LRP2: variants seen among roughly 807,000 people sequenced by gnomAD.
LRP2 encodes LDL receptor related protein 2, also known as low-density lipoprotein receptor-related protein 2.
Under a neutral mutation model 531.0 loss-of-function variants are expected in LRP2, and 172 were observed. The observed-to-expected ratio is 0.32, with a 90% CI of 0.29 to 0.37. LRP2 has a LOEUF of 0.37. Among genes scored for constraint, LRP2 ranks in the 10% least tolerant of loss-of-function variants. The pLI, the probability that LRP2 is intolerant of heterozygous loss-of-function variation, is 1.00. For synonymous variants in LRP2, 1,992 were observed against 2,027.6 expected (o/e 0.98, Z 0.47); for missense variants, 5,167 against 5,868.3 (o/e 0.88, Z 3.90).
chr2:169,183,344 T>C (rs543844952), intron 50 of LRP2, among the ~76,000 whole-genome samples: 1 of 152,306 alleles, frequency 6.6e-6, no homozygotes, highest in African/African-American at 2.4e-5. Context: ...GGTAAATGAG[T>C]AAATCCTGAT....
At chr2:169,189,860 A>C (rs896236064) in intron 48 of LRP2, among the ~76,000 whole-genome samples, 1 of 152,166 alleles carries the variant, frequency 6.6e-6, no homozygotes, top group African/African-American at 2.4e-5. Flanking sequence ...CTCAAGGAAA[A>C]AAAGAAAGAG....
At chr2:169,174,301 T>C in intron 55 of LRP2, 137 bp from the exon 56 acceptor site, 1 of 1,000,630 alleles carries the variant, frequency 1.0e-6, no homozygotes, top group South Asian at 1.4e-5. Context: ...TATCAGTCAG[T>C]ACTACTACAT....
chr2:169,200,206 G>A (rs376954496), intron 44 of LRP2, among the ~76,000 whole-genome samples: 16 of 152,258 alleles, frequency 1.1e-4, no homozygotes, highest in Admixed American at 5.9e-4. Context: ...AGCTGAGATC[G>A]CGTCACTGCA....
chr2:169,281,672 G>C (rs1216184633), intron 10 of LRP2, among the ~76,000 whole-genome samples: 1 of 147,416 alleles, frequency 6.8e-6, no homozygotes, highest in Non-Finnish European at 1.5e-5. Context: ...GAGCCAAGAT[G>C]GCGCCACTGC....
chr2:169,163,937 T>C (rs933250061), intron 62 of LRP2, among the ~76,000 whole-genome samples: 9 of 152,152 alleles, frequency 5.9e-5, no homozygotes, highest in African/African-American at 2.2e-4. Context: ...AGCTAATCAA[T>C]AAATACCCTC....
intron 15 of LRP2, 116 bp from the exon 16 acceptor site, chr2:169,271,223 A>G: frequency 1.5e-6 from 1 of 684,860 alleles, no homozygotes; most frequent in Non-Finnish European, 2.5e-6. Context: ...TAATTCTGAA[A>G]TAAATGTAAA....
In LRP2 at chr2:169,156,503, C is replaced by T. The variant is rs188907654; in HGVS notation, c.12020-98G>A. The T allele has an allele frequency of 5.2e-5, 69 of 1,336,272 alleles. No individual in the cohort carries two copies. In the African/African-American group the frequency reaches 7.5e-4, roughly 14 times the overall value. 82.8% of individuals were successfully genotyped at this position (1,336,272 alleles called of 1,614,324 possible). ...ACCCATATTCACCAGCAATGAGGAC[C>T]GAGAAGGGTACAGATGAAAATAAGC... On this transcript the variant is annotated intron_variant, in intron 64 of 78. Coordinates refer to ENST00000649046, the MANE Select transcript of LRP2 (RefSeq NM_004525.3).
At position 169,162,566 on chromosome 2, in the gene LRP2, A is replaced by G; in HGVS notation, c.11793T>C (p.Tyr3931=). The change falls in exon 63 of 79, where the codon TAT becomes TAC. Residue 3931 remains tyrosine (Y), a synonymous_variant. Transcript: ENST00000649046. ...RKPTPKPCTE[Y]EYKCGNGHCI... ...AATGCCCATTGCCACACTTATATTC[A>G]TATTCTGTACAAGGTTTAGGGGTCG... 6.2e-7 allele frequency: 1 copy of G among 1,614,188 alleles called. No homozygotes were observed. Among genetic ancestry groups the G allele is most frequent in the Non-Finnish European group, 8.5e-7 (1 of 1,180,008 alleles).
chr2:169,261,670 G>A (rs980060458), intron 16 of LRP2, among the ~76,000 whole-genome samples: 1 of 152,128 alleles, frequency 6.6e-6, no homozygotes, highest in Non-Finnish European at 1.5e-5. Flanking sequence ...GAGGTACAAG[G>A]AGGAACTGGT....
intron 15 of LRP2, 84 bp from the exon 16 acceptor site, chr2:169,271,191 G>T: frequency 1.2e-6 from 1 of 824,296 alleles, no homozygotes; most frequent in Non-Finnish European, 2.0e-6. Flanking sequence ...CATCCACAGA[G>T]CAAACTTTAA....
At chr2:169,328,069 TCAGCCCCCCGCC>T (rs1685156238) in intron 1 of LRP2, among the ~76,000 whole-genome samples, 1 of 90,912 alleles carries the variant, frequency 1.1e-5, no homozygotes, top group Non-Finnish European at 2.2e-5. Flanking sequence ...GGAGGTGGGG[TCAGCCCCCCGCC>T]CAGCCAGCCG....
At chr2:169,231,941 C>G in intron 30 of LRP2, 99 bp from the exon 31 acceptor site, 7 of 1,444,206 alleles carry the variant, frequency 4.8e-6, no homozygotes, top group Non-Finnish European at 6.7e-6. Flanking sequence ...GGCCCCAGTA[C>G]AGGGGGGCTT....
intron 4 of LRP2, among the ~76,000 whole-genome samples, chr2:169,299,119 GAA>G (rs1261917144): frequency 0.016 from 1,357 of 85,530 alleles, 101 homozygotes; most frequent in Middle Eastern, 0.033. Flanking sequence ...AAGAAAGAAA[GAA>G]AGAAAGAAAG....
rs779173467 is a variant in LRP2, at chr2:169,162,626, CA to C, written c.11759-27del. 3.1e-6 allele frequency: 5 copies of C among 1,613,324 alleles called. No homozygotes were observed. In the East Asian group the frequency reaches 8.9e-5, roughly 29 times the overall value. ...CTGCAATGTAAAAACAAGTTAAAAT[CA>C]AAACTTTTTCTTTTATGAAGCAAGA... is the stretch of plus-strand genomic sequence containing the variant. On this transcript the variant is annotated intron_variant, in intron 62 of 78. Transcript: ENST00000649046.
At chr2:169,327,491 G>T (rs1374032122) in intron 1 of LRP2, among the ~76,000 whole-genome samples, 3 of 118,884 alleles carry the variant, frequency 2.5e-5, no homozygotes, top group Admixed American at 1.6e-4. Flanking sequence ...GAGGTGGGGG[G>T]GTCAGCCCCC....
intron 37 of LRP2, among the ~76,000 whole-genome samples, chr2:169,211,064 G>A (rs1001105833): frequency 2.6e-5 from 4 of 152,280 alleles, no homozygotes; most frequent in East Asian, 1.9e-4. Flanking sequence ...ATCTGTACAA[G>A]ATGATAACTT....
intron 4 of LRP2, among the ~76,000 whole-genome samples, chr2:169,301,989 G>A (rs922268439): frequency 3.3e-5 from 5 of 151,972 alleles, no homozygotes; most frequent in African/African-American, 1.2e-4. Context: ...ATTTTTAGGT[G>A]GTTTCCAGGT....
chr2:169,173,015 C>G, intron 57 of LRP2, 81 bp downstream of exon 57: 789 of 1,398,718 alleles, frequency 5.6e-4, no homozygotes, highest in Non-Finnish European at 7.2e-4. Flanking sequence ...GGGAAATACA[C>G]TCTCATCTCT....
chr2:169,256,045 T>A, intron 19 of LRP2, 61 bp downstream of exon 19: 1 of 1,564,066 alleles, frequency 6.4e-7, no homozygotes, highest in Non-Finnish European at 8.8e-7. Flanking sequence ...TGAGGATGAG[T>A]TTACTATTGT....
Sources: gnomAD v4.1 joint callset for allele counts (sites outside exome capture counted in the v4.1 genomes callset) on GRCh38, gnomAD v4.1.1 for gene constraint, MANE v1.5 for transcripts, NCBI Gene and HGNC (gene_info 2026-07-23, HGNC 2026-07-21) for gene names.